The following IL1RAPL2 variants were observed in gnomAD, a reference collection of about 807,000 sequenced individuals.
The protein encoded by IL1RAPL2 is X-linked interleukin-1 receptor accessory protein-like 2.
Under a neutral mutation model 44.1 loss-of-function variants are expected in IL1RAPL2, and 3 were observed. That is an observed-to-expected ratio of 0.07 (90% CI 0.03 to 0.18). IL1RAPL2 has a LOEUF of 0.18. Ranked by LOEUF, IL1RAPL2 falls within the 10% of genes least tolerant of loss-of-function variation. The probability of loss-of-function intolerance (pLI) is 1.00; values close to 1 mark genes in which losing one functional copy is unlikely to be tolerated. For synonymous variants in IL1RAPL2, 181 were observed against 178.8 expected, an observed-to-expected ratio of 1.01 and a Z score of -0.10; for missense variants, 391 against 496.4, an observed-to-expected ratio of 0.79 and a Z score of 2.02.
At chrX:104,630,251 G>A (rs185257047) in intron 1 of IL1RAPL2, among the ~76,000 whole-genome samples, 3 of 109,076 alleles carry the variant, frequency 2.8e-5, no homozygotes, top group Admixed American at 9.8e-5. Flanking sequence ...GGGTTCAAGC[G>A]ATTCTCCTGC....
intron 2 of IL1RAPL2, among the ~76,000 whole-genome samples, chrX:104,866,058 A>G (rs1314777172): frequency 8.9e-6 from 1 of 112,396 alleles, no homozygotes; most frequent in African/African-American, 3.2e-5. Context: ...TCTGTCTGTT[A>G]TTTATAATGG....
chrX:105,687,122 G>A (rs2037985630), intron 6 of IL1RAPL2, among the ~76,000 whole-genome samples: 1 of 111,528 alleles, frequency 9.0e-6, no homozygotes, highest in South Asian at 3.7e-4. Context: ...GAGAAAGCAG[G>A]AAAGATCTAA....
chrX:105,418,134 T>C, intron 5 of IL1RAPL2, among the ~76,000 whole-genome samples: 1 of 110,424 alleles, frequency 9.1e-6, no homozygotes, highest in African/African-American at 3.3e-5. Flanking sequence ...CCAAAAAGAG[T>C]GAGACCTTAT....
At chrX:104,878,885 G>A (rs979832174) in intron 2 of IL1RAPL2, among the ~76,000 whole-genome samples, 1 of 110,173 alleles carries the variant, frequency 9.1e-6, no homozygotes, top group East Asian at 2.9e-4. Context: ...TTTCGAAAAC[G>A]TGAGGACCCA....
At chrX:104,922,026 C>A (rs763130447) in intron 2 of IL1RAPL2, among the ~76,000 whole-genome samples, 1 of 112,290 alleles carries the variant, frequency 8.9e-6, no homozygotes, top group South Asian at 3.7e-4. Context: ...AGCCCGAGAG[C>A]AGCCCCTAGA....
intron 1 of IL1RAPL2, among the ~76,000 whole-genome samples, chrX:104,636,671 C>T (rs1351490574): frequency 8.9e-6 from 1 of 112,125 alleles, no homozygotes; most frequent in Non-Finnish European, 1.9e-5. Flanking sequence ...CCTGGTGTGC[C>T]GTTTGCTAAG....
At chrX:104,876,859 C>G (rs1397022828) in intron 2 of IL1RAPL2, among the ~76,000 whole-genome samples, 3 of 108,935 alleles carry the variant, frequency 2.8e-5, no homozygotes, top group African/African-American at 1.0e-4. Flanking sequence ...AGGTATATCT[C>G]CCAATGCTAT....
intron 2 of IL1RAPL2, among the ~76,000 whole-genome samples, chrX:105,171,935 C>T (rs5916879): frequency 1.8e-5 from 2 of 112,262 alleles, no homozygotes; most frequent in Non-Finnish European, 3.8e-5. Context: ...AGAGGAGTCA[C>T]GATGTGACAG....
chrX:105,099,343 G>A lies in IL1RAPL2; in HGVS notation c.83-96132G>A, dbSNP rs751030479. 7.2e-5 allele frequency among the ~76,000 whole-genome samples: 8 copies of A among 110,451 alleles called. No homozygotes were observed. In the South Asian group the frequency reaches 3.1e-3, roughly 43 times the overall value. ...TGTACAAGCATAGTACAAACATCTG[G>A]TCAGCTTCTAATGAGGGTCTCAGGA... On this transcript the variant is annotated intron_variant, in intron 2 of 10. Coordinates refer to ENST00000372582, the MANE Select transcript of IL1RAPL2 (RefSeq NM_017416.2).
At chrX:105,341,423 C>T (rs2035069165) in intron 5 of IL1RAPL2, among the ~76,000 whole-genome samples, 2 of 110,050 alleles carry the variant, frequency 1.8e-5, no homozygotes, top group Non-Finnish European at 3.8e-5. Context: ...TTTACCTACC[C>T]TCTCATCCAT....
At chrX:104,659,375 CTT>C (rs1469178836) in intron 2 of IL1RAPL2, among the ~76,000 whole-genome samples, 1 of 111,839 alleles carries the variant, frequency 8.9e-6, no homozygotes, top group Non-Finnish European at 1.9e-5. Flanking sequence ...AATTTAAAGA[CTT>C]TGATAAATAT....
intron 5 of IL1RAPL2, among the ~76,000 whole-genome samples, chrX:105,345,445 C>T (rs2035103697): frequency 9.0e-6 from 1 of 111,384 alleles, no homozygotes; most frequent in African/African-American, 3.3e-5. Context: ...TAGATGAGGT[C>T]GTGTTAATAT....
intron 5 of IL1RAPL2, among the ~76,000 whole-genome samples, chrX:105,479,595 C>T (rs368677871): frequency 3.7e-5 from 4 of 108,550 alleles, no homozygotes; most frequent in Non-Finnish European, 5.7e-5. Context: ...CAAAATTAGC[C>T]GGGCGTGGTG....
intron 2 of IL1RAPL2, among the ~76,000 whole-genome samples, chrX:104,712,326 TGGTTA>T (rs1305218484): frequency 9.0e-6 from 1 of 110,735 alleles, no homozygotes; most frequent in Non-Finnish European, 1.9e-5. Flanking sequence ...AATAAATTGA[TGGTTA>T]ATGTATTTTT....
At chrX:104,742,944 C>T (rs983989302) in intron 2 of IL1RAPL2, among the ~76,000 whole-genome samples, 1 of 111,780 alleles carries the variant, frequency 8.9e-6, no homozygotes, top group African/African-American at 3.2e-5. Flanking sequence ...AGGTTTAATG[C>T]ATTTCAACAC....
At chrX:104,959,415 T>C (rs1208419719) in intron 2 of IL1RAPL2, among the ~76,000 whole-genome samples, 1 of 111,701 alleles carries the variant, frequency 9.0e-6, no homozygotes, top group East Asian at 2.8e-4. Context: ...GTTTCCGAAA[T>C]CAATCTTGCT....
chrX:105,127,858 A>G (rs2032989545), intron 2 of IL1RAPL2, among the ~76,000 whole-genome samples: 1 of 111,241 alleles, frequency 9.0e-6, no homozygotes, highest in African/African-American at 3.3e-5. Context: ...AAAAATTTTT[A>G]TTGAGAATTT....
At chrX:104,725,056 C>T (rs1431573825) in intron 2 of IL1RAPL2, among the ~76,000 whole-genome samples, 3 of 110,972 alleles carry the variant, frequency 2.7e-5, no homozygotes, top group Non-Finnish European at 5.7e-5. Flanking sequence ...CCCGACAGGC[C>T]CTGGTGTGTG....
intron 2 of IL1RAPL2, among the ~76,000 whole-genome samples, chrX:105,127,627 T>C (rs930650771): frequency 1.8e-5 from 2 of 111,104 alleles, no homozygotes; most frequent in African/African-American, 6.5e-5. Context: ...GGTAGAACTC[T>C]TTATGTGACT....
Sources: gnomAD v4.1 joint callset for allele counts (sites outside exome capture counted in the v4.1 genomes callset) on GRCh38, gnomAD v4.1.1 for gene constraint, MANE v1.5 for transcripts, NCBI Gene and HGNC (gene_info 2026-07-23, HGNC 2026-07-21) for gene names.